TRAPPC10: variants seen among roughly 807,000 people sequenced by gnomAD.
TRAPPC10 encodes TRAPP 130 kDa subunit.
In TRAPPC10, 23 loss-of-function variants were observed where a neutral mutation model predicts 125.5. The observed-to-expected ratio is 0.18, with a 90% confidence interval of 0.13 to 0.26. The LOEUF (loss-of-function observed/expected upper bound fraction) is 0.26, where lower values mean the gene tolerates loss of function less well. Among genes scored for constraint, TRAPPC10 ranks in the 10% least tolerant of loss-of-function variants. TRAPPC10 has a pLI of 1.00. For missense variants in TRAPPC10, 1,123 were observed against 1,308.4 expected (o/e 0.86, Z 2.19); for synonymous variants, 509 against 518.0 (o/e 0.98, Z 0.24).
At chr21:44,073,388 G>A (rs889712559) in intron 7 of TRAPPC10, among the ~76,000 whole-genome samples, 1 of 152,188 alleles carries the variant, frequency 6.6e-6, no homozygotes, top group East Asian at 1.9e-4. Flanking sequence ...AGTGCCACCA[G>A]AGAAAAAGTC....
At chr21:44,062,169 G>A (rs1376012257) in intron 6 of TRAPPC10, among the ~76,000 whole-genome samples, 3 of 152,010 alleles carry the variant, frequency 2.0e-5, no homozygotes, top group African/African-American at 7.2e-5. Flanking sequence ...TAAAATTTGG[G>A]GCAATTTAAA....
chr21:44,059,033 C>T lies in TRAPPC10; in HGVS notation c.679-70C>T. On this transcript the variant is annotated intron_variant, in intron 5 of 22. Transcript: ENST00000291574. The surrounding 1 kb of genome is among the most constrained non-coding windows in gnomAD (Gnocchi z 4.4). ...CGTGCCTTTCTCTGTCGTTTAATGG[C>T]TACATACTGTTTCTTCTATACATTG... is the stretch of plus-strand genomic sequence containing the variant. 1 of 1,146,718 alleles carries T rather than the reference C, an allele frequency of 8.7e-7. No individual in the cohort carries two copies. The highest frequency in any genetic ancestry group is 1.2e-6 in the Non-Finnish European group (1 of 824,354). 71.0% of individuals were successfully genotyped at this position (1,146,718 alleles called of 1,614,324 possible).
intron 1 of TRAPPC10, among the ~76,000 whole-genome samples, chr21:44,022,450 A>ATTT (rs71197876): frequency 0.026 from 2,483 of 96,882 alleles, 166 homozygotes; most frequent in African/African-American, 0.094. Flanking sequence ...TGCCCAGCTA[A>ATTT]TTTTTTTTTT....
chr21:44,079,414 A>G, intron 11 of TRAPPC10, 150 bp from the exon 12 acceptor site: 1 of 752,056 alleles, frequency 1.3e-6, no homozygotes, highest in Non-Finnish European at 2.0e-6. Flanking sequence ...TTTCTCACGG[A>G]GTGGGGTGGG....
chr21:44,063,528 G>A lies in TRAPPC10; in HGVS notation c.791-10G>A. Reference sequence around the variant, plus strand: ...GCAATCAGCACCTTTCATGATGTGTGTTTGTTTAGATGGTGCCAACTGGCT... The same window carrying A: ...GCAATCAGCACCTTTCATGATGTGTATTTGTTTAGATGGTGCCAACTGGCT... On this transcript the variant is annotated splice_polypyrimidine_tract_variant and intron_variant, in intron 6 of 22. Transcript: ENST00000291574. The surrounding 1 kb of genome is among the most constrained non-coding windows in gnomAD (Gnocchi z 4.4). 1 of 1,613,768 alleles carries A rather than the reference G, an allele frequency of 6.2e-7. No homozygotes were observed. The highest frequency in any genetic ancestry group is 8.5e-7 in the Non-Finnish European group (1 of 1,179,758).
chr21:44,077,222 A>G (rs2037354526), intron 10 of TRAPPC10, among the ~76,000 whole-genome samples: 1 of 152,236 alleles, frequency 6.6e-6, no homozygotes, highest in African/African-American at 2.4e-5. Flanking sequence ...ACAGGTTACC[A>G]ATTTTGCTTA....
At chr21:44,014,113 C>T (rs1328921898) in intron 1 of TRAPPC10, among the ~76,000 whole-genome samples, 1 of 152,222 alleles carries the variant, frequency 6.6e-6, no homozygotes, top group Non-Finnish European at 1.5e-5. Context: ...TCTTCTACCT[C>T]CTAGCTTGCT....
intron 3 of TRAPPC10, among the ~76,000 whole-genome samples, chr21:44,049,047 A>C (rs1460757267): frequency 6.6e-6 from 1 of 152,004 alleles, no homozygotes; most frequent in Non-Finnish European, 1.5e-5. Flanking sequence ...CTCTTGCTTC[A>C]TCTCAGGGCT....
intron 18 of TRAPPC10, 40 bp from the exon 19 acceptor site, chr21:44,091,883 C>A (rs1478442949): frequency 5.0e-6 from 8 of 1,595,250 alleles, no homozygotes; most frequent in Non-Finnish European, 6.9e-6. Flanking sequence ...TAATAAAGTT[C>A]TTACATATCA....
At chr21:44,013,721 T>G (rs989005060) in intron 1 of TRAPPC10, among the ~76,000 whole-genome samples, 2 of 152,212 alleles carry the variant, frequency 1.3e-5, no homozygotes, top group Non-Finnish European at 2.9e-5. Flanking sequence ...TCTCCTCTCC[T>G]CCTCTCTCTT....
intron 9 of TRAPPC10, among the ~76,000 whole-genome samples, chr21:44,076,051 A>T (rs199983308): frequency 0.31 from 46,865 of 151,508 alleles, 10,126 homozygotes; most frequent in African/African-American, 0.62. Flanking sequence ...CTCTGTCAAA[A>T]AAAAAAAAAA....
At chr21:44,067,074 A>G (rs552505144) in intron 7 of TRAPPC10, among the ~76,000 whole-genome samples, 11 of 152,298 alleles carry the variant, frequency 7.2e-5, no homozygotes, top group African/African-American at 2.4e-4. Flanking sequence ...TTATCACCTT[A>G]GCTGCTGGTT....
At chr21:44,038,379 C>G (rs1367044943) in intron 3 of TRAPPC10, among the ~76,000 whole-genome samples, 1 of 151,872 alleles carries the variant, frequency 6.6e-6, no homozygotes, top group African/African-American at 2.4e-5. Flanking sequence ...TTCATGACCC[C>G]TGTGTTCCCA....
At chr21:44,049,227 C>T (rs768713350) in intron 3 of TRAPPC10, among the ~76,000 whole-genome samples, 1 of 152,166 alleles carries the variant, frequency 6.6e-6, no homozygotes, top group Non-Finnish European at 1.5e-5. Flanking sequence ...TGCTTGTGTA[C>T]GTACATACAT....
intron 1 of TRAPPC10, among the ~76,000 whole-genome samples, chr21:44,013,729 C>CT (rs1281438951): frequency 6.6e-5 from 10 of 152,116 alleles, no homozygotes; most frequent in Non-Finnish European, 5.9e-5. Context: ...CCTCCTCTCT[C>CT]TTTTTTTTCT....
At position 44,053,964 on chromosome 21, in the gene TRAPPC10, T is replaced by G. The variant is rs151212439; in HGVS notation, c.482+1488T>G. ...ACAGGATCTAATAGAGATAGGACAT[T>G]TCATGACTGTGTATCTGATTGACCT... On this transcript the variant is annotated intron_variant, in intron 4 of 22. Transcript: ENST00000291574. Among the ~76,000 whole-genome samples the G allele has an allele frequency of 4.9e-4, 75 of 152,332 alleles. 1 individual carries two copies. In the Middle Eastern group the frequency reaches 0.02, roughly 41 times the overall value.
At chr21:44,019,478 T>C (rs1030206548) in intron 1 of TRAPPC10, among the ~76,000 whole-genome samples, 1 of 152,232 alleles carries the variant, frequency 6.6e-6, no homozygotes, top group Non-Finnish European at 1.5e-5. Context: ...CTTTCCTCTA[T>C]CTGCTCTTAA....
At chr21:44,053,160 C>T (rs2145842391) in intron 4 of TRAPPC10, among the ~76,000 whole-genome samples, 1 of 152,256 alleles carries the variant, frequency 6.6e-6, no homozygotes, top group Non-Finnish European at 1.5e-5. Context: ...TAGCCATGGT[C>T]ACCATGCTTA....
In TRAPPC10 at chr21:44,073,294, A is replaced by G. The variant is rs2037017138; in HGVS notation, c.1039-1030A>G. Reference sequence around the variant, plus strand: ...TCTTATGGGAGTCAGTTTCCCCGGCATTGGCAGCTCATCACCTGTTGACTG... The same window carrying G: ...TCTTATGGGAGTCAGTTTCCCCGGCGTTGGCAGCTCATCACCTGTTGACTG... On this transcript the variant is annotated intron_variant, in intron 7 of 22. Transcript: ENST00000291574. Among the ~76,000 whole-genome samples, 5 of 152,260 alleles carry G rather than the reference A, an allele frequency of 3.3e-5. No homozygotes were observed. The South Asian group carries it at 1.0e-3, about 32-fold the overall frequency.
Sources: gnomAD v4.1 joint callset for allele counts (sites outside exome capture counted in the v4.1 genomes callset) on GRCh38, gnomAD v4.1.1 for gene constraint, Gnocchi (gnomAD v3.1) non-coding constraint, MANE v1.5 for transcripts, NCBI Gene and HGNC (gene_info 2026-07-23, HGNC 2026-07-21) for gene names.